Variants in SAMM50 observed in about 807,000 individuals in gnomAD.
SAMM50 encodes the protein sorting and assembly machinery component 50 homolog.
In SAMM50, 47 loss-of-function variants were observed where a neutral mutation model predicts 66.9. The ratio of observed to expected loss-of-function variants is 0.70; its 90% CI spans 0.56 to 0.90. The LOEUF (loss-of-function observed/expected upper bound fraction) is 0.90, where lower values mean the gene tolerates loss of function less well. SAMM50 is among the 40% of genes least tolerant of loss of function. SAMM50 has a pLI of 0.00. For missense variants in SAMM50, 535 were observed against 595.3 expected, an observed-to-expected ratio of 0.90 and a Z score of 1.05; for synonymous variants, 191 against 214.1, an observed-to-expected ratio of 0.89 and a Z score of 0.94.
rs1569027046 is a variant in SAMM50, at chr22:43,968,716, T to TC, written c.235-10dup. The TC allele has an allele frequency of 1.3e-6, 2 of 1,578,970 alleles. No homozygotes were observed. The highest frequency in any genetic ancestry group is 1.3e-5 in the African/African-American group (1 of 74,134). The stretch of plus-strand genomic sequence containing the variant: ...AGAAGAATATATTCCTTGTTTTTCT[T>TC]CCCCCATTTTATAGGTAATGCGGAA... On this transcript the variant is annotated splice_polypyrimidine_tract_variant and intron_variant, in intron 3 of 14. Coordinates refer to ENST00000350028, the MANE Select transcript of SAMM50 (RefSeq NM_015380.5).
In SAMM50 at chr22:43,972,372, TTGGAACTTAGAGTTGGGAAC is replaced by T. The variant is rs780668491; in HGVS notation, c.429+32_429+51del. 10 of 1,363,092 alleles carry T rather than the reference TTGGAACTTAGAGTTGGGAAC, an allele frequency of 7.3e-6. No homozygotes were observed. In the South Asian group the frequency reaches 1.2e-4, roughly 17 times the overall value. 84.4% of individuals were successfully genotyped at this position (1,363,092 alleles called of 1,614,324 possible). A position where few individuals can be genotyped will look rare whatever the true frequency, so the allele number is the denominator to read the frequency against. ...GCTACAGGCTTTTTACTTTCTTATATTGGAACTTAGAGTTGGGAACTTTTACACTATGACTGCATTCTAAA... is the reference window on the plus strand; with the variant it reads ...GCTACAGGCTTTTTACTTTCTTATATTTTTACACTATGACTGCATTCTAAA... On this transcript the variant is annotated intron_variant, in intron 5 of 14. Transcript: ENST00000350028.
At chr22:43,971,477 C>G (rs1325354014) in intron 4 of SAMM50, among the ~76,000 whole-genome samples, 1 of 152,196 alleles carries the variant, frequency 6.6e-6, no homozygotes, top group Non-Finnish European at 1.5e-5. Context: ...CTCTTACACA[C>G]AGTAACACAG....
chr22:43,995,941 C>A (rs2050351153), intron 14 of SAMM50, among the ~76,000 whole-genome samples: 1 of 152,084 alleles, frequency 6.6e-6, no homozygotes, highest in African/African-American at 2.4e-5. Context: ...GCCGGGCGGA[C>A]CTTAAGTTCT....
In SAMM50 at chr22:43,965,049, G is replaced by A. The variant is rs981143148; in HGVS notation, c.234+496G>A. On this transcript the variant is annotated intron_variant, in intron 3 of 14. Coordinates refer to ENST00000350028, the MANE Select transcript of SAMM50 (RefSeq NM_015380.5). Reference sequence around the variant, plus strand: ...GGTGGTTTCCTCTGCCTTTCTGCCCGTGGGACCATATTGAACATGCCCAGA... The same window carrying A: ...GGTGGTTTCCTCTGCCTTTCTGCCCATGGGACCATATTGAACATGCCCAGA... Among the ~76,000 whole-genome samples, 8 of 151,846 alleles carry A rather than the reference G, an allele frequency of 5.3e-5. No individual in the cohort carries two copies. In the South Asian group the frequency reaches 1.0e-3, roughly 20 times the overall value.
chr22:43,981,051 C>A (rs1364875507), intron 10 of SAMM50, among the ~76,000 whole-genome samples: 1 of 152,226 alleles, frequency 6.6e-6, no homozygotes, highest in East Asian at 1.9e-4. Context: ...GTGCAGGGGG[C>A]CTGGCTCCCT....
At chr22:43,963,170 C>G in intron 1 of SAMM50, 116 bp from the exon 2 acceptor site, 1 of 635,644 alleles carries the variant, frequency 1.6e-6, no homozygotes, top group Middle Eastern at 2.6e-4. Context: ...CCTACCTCTA[C>G]TTGAAGGGAA....
rs557259646 is a variant in SAMM50 at position 43,967,849 on chromosome 22, T to C, written c.235-882T>C. On this transcript the variant is annotated intron_variant, in intron 3 of 14. Transcript: ENST00000350028. ...CTTCTACCTGTCCTTCCAATAAGAA[T>C]GGACTCCGTGCATCAGAAGGAACTG... 3.3e-5 allele frequency among the ~76,000 whole-genome samples: 5 copies of C among 152,280 alleles called. No individual in the cohort carries two copies. The East Asian group carries it at 9.6e-4, about 29-fold the overall frequency.
Position 43,989,248 on chromosome 22 carries a change from C to A in SAMM50, c.1213C>A (p.Leu405Ile). The A allele has an allele frequency of 2.5e-6, 4 of 1,614,134 alleles. No homozygotes were observed. The highest frequency in any genetic ancestry group is 3.4e-6 in the Non-Finnish European group (4 of 1,180,004). ...FFLNAGNLCN[L>I]NYGEGPKAHI... ...TCTCAACGCAGGAAACCTCTGCAACCTCAACTATGGTAAAACTTGCGCTAT... is the reference window on the plus strand; with the variant it reads ...TCTCAACGCAGGAAACCTCTGCAACATCAACTATGGTAAAACTTGCGCTAT... Residue 405 changes from leucine (L) to isoleucine (I), a missense_variant, in exon 13 of 15, where the codon CTC (leucine) becomes ATC (isoleucine). Physicochemically the swap from Leu to Ile is conservative, Grantham distance 5 (BLOSUM62 2). Coordinates refer to ENST00000350028, the MANE Select transcript of SAMM50 (RefSeq NM_015380.5).
At chr22:43,970,329 C>T (rs546208101) in intron 4 of SAMM50, among the ~76,000 whole-genome samples, 2 of 152,136 alleles carry the variant, frequency 1.3e-5, no homozygotes, top group South Asian at 4.2e-4. Context: ...TGCTTCGTTC[C>T]CTGAAGTCAC....
intron 14 of SAMM50, among the ~76,000 whole-genome samples, chr22:43,991,558 G>A (rs1310846144): frequency 1.3e-5 from 2 of 152,148 alleles, no homozygotes; most frequent in South Asian, 2.1e-4. Context: ...ATGAGCCACC[G>A]CACCCAGCTG....
In SAMM50 at chr22:43,983,588, G is replaced by A. The variant is rs2050275488; in HGVS notation, c.1008-345G>A. Among the ~76,000 whole-genome samples, 1 of 152,078 alleles carries A rather than the reference G, an allele frequency of 6.6e-6. No homozygotes were observed. The highest frequency in any genetic ancestry group is 6.6e-5 in the Admixed American group (1 of 15,256). ...CTAATATCGCACTGTGAGCCAGTAG[G>A]AGGCCCGCCATGAAAAGGAACTGCG... On this transcript the variant is annotated intron_variant, in intron 11 of 14. Transcript: ENST00000350028. This position sits in a 1 kb window ranked among gnomAD's most constrained non-coding sequence, Gnocchi z 4.2.
Position 43,983,914 on chromosome 22 carries a change from G to A in SAMM50, c.1008-19G>A. The A allele has an allele frequency of 6.3e-7, 1 of 1,589,902 alleles. No individual in the cohort carries two copies. The highest frequency in any genetic ancestry group is 8.6e-7 in the Non-Finnish European group (1 of 1,163,834). On this transcript the variant is annotated intron_variant, in intron 11 of 14. Coordinates refer to ENST00000350028, the MANE Select transcript of SAMM50 (RefSeq NM_015380.5). This position sits in a 1 kb window ranked among gnomAD's most constrained non-coding sequence, Gnocchi z 4.2. ...TCACCTCCTGACTTTCCTCTGACCT[G>A]TGTGCTGTTTTGTCCTAGGTTTTAC...
intron 1 of SAMM50, among the ~76,000 whole-genome samples, chr22:43,958,399 T>A (rs1375259577): frequency 6.6e-6 from 1 of 152,068 alleles, no homozygotes. Context: ...CTCATATTTA[T>A]TGATGGTCTG....
intron 14 of SAMM50, 39 bp from the exon 15 acceptor site, chr22:43,996,299 C>T (rs771738024): frequency 1.6e-5 from 26 of 1,611,020 alleles, no homozygotes; most frequent in East Asian, 1.3e-4. Flanking sequence ...GCAGGGCTGG[C>T]GGAGCGGCCG....
chr22:43,968,055 C>T (rs7287377), intron 3 of SAMM50, among the ~76,000 whole-genome samples: 7 of 151,544 alleles, frequency 4.6e-5, no homozygotes, highest in African/African-American at 1.7e-4. Context: ...AATCCTATGT[C>T]TGCTAAACAT....
In SAMM50 at chr22:43,981,444, GTCAAGCATTGC is replaced by G. The variant is rs2050264310; in HGVS notation, c.992_1002del (p.Ser331Ter). The G allele has an allele frequency of 2.5e-6, 4 of 1,612,456 alleles. No individual in the cohort carries two copies. The highest frequency in any genetic ancestry group is 1.3e-5 in the African/African-American group (1 of 74,884). ...TGTTGGTACCCATTGGTGATAAGCCGTCAAGCATTGCTGATAGGTAAGTACTAATCAATGAA... is the reference window on the plus strand; with the variant it reads ...TGTTGGTACCCATTGGTGATAAGCCGTGATAGGTAAGTACTAATCAATGAA... On this transcript the variant is annotated frameshift_variant, in exon 11 of 15. Transcript: ENST00000350028. LOFTEE classifies it high-confidence loss of function.
chr22:43,958,496 T>TTTTTTTGG (rs2050131346), intron 1 of SAMM50, among the ~76,000 whole-genome samples: 1 of 149,526 alleles, frequency 6.7e-6, no homozygotes, highest in Non-Finnish European at 1.5e-5. Context: ...TTTTTTTTTT[T>TTTTTTTGG]GAGGCGGAGT....
At chr22:43,958,497 G>C (rs1323576284) in intron 1 of SAMM50, among the ~76,000 whole-genome samples, 1 of 19,674 alleles carries the variant, frequency 5.1e-5, no homozygotes, top group African/African-American at 2.5e-4. Flanking sequence ...TTTTTTTTTT[G>C]AGGCGGAGTC....
chr22:43,994,104 CT>C (rs1176613111), intron 14 of SAMM50, among the ~76,000 whole-genome samples: 1 of 152,156 alleles, frequency 6.6e-6, no homozygotes, highest in African/African-American at 2.4e-5. Flanking sequence ...AGAGGGCCCC[CT>C]GGAGCAGGTC....
Sources: allele counts gnomAD v4.1 joint callset (sites outside exome capture counted in the v4.1 genomes callset), GRCh38; gene constraint gnomAD v4.1.1; non-coding constraint Gnocchi (gnomAD v3.1); transcripts MANE v1.5; gene names NCBI Gene and HGNC (gene_info 2026-07-23, HGNC 2026-07-21).